PPP2R3A: variants seen among roughly 807,000 people sequenced by gnomAD.
The protein encoded by PPP2R3A is serine/threonine-protein phosphatase 2A regulatory subunit B'' subunit alpha.
A neutral mutation model predicts 106.9 loss-of-function variants in PPP2R3A; 80 were observed. That is an observed-to-expected ratio of 0.75 (90% confidence interval 0.62 to 0.90). The LOEUF is 0.90. PPP2R3A is among the 40% of genes least tolerant of loss of function. The pLI is 0.00. For missense variants in PPP2R3A, 1,386 were observed against 1,350.4 expected (o/e 1.03, Z -0.41); for synonymous variants, 483 against 468.3 (o/e 1.03, Z -0.41).
At chr3:136,064,077 C>T (rs909171478) in intron 5 of PPP2R3A, among the ~76,000 whole-genome samples, 1 of 151,838 alleles carries the variant, frequency 6.6e-6, no homozygotes, top group Non-Finnish European at 1.5e-5. Flanking sequence ...CCATGGAATA[C>T]TATGCAGCCA....
At chr3:136,078,751 C>T (rs1576485552) in intron 7 of PPP2R3A, among the ~76,000 whole-genome samples, 1 of 152,100 alleles carries the variant, frequency 6.6e-6, no homozygotes, top group Non-Finnish European at 1.5e-5. Flanking sequence ...ACAGAGGCGG[C>T]TTCACAATAG....
Position 136,002,049 on chromosome 3 carries a change from A to C in PPP2R3A, c.551A>C (p.Glu184Ala). ...FGLLRSSSVE[E>A]KPLSHRNSLD... ...TTACTGCGGAGTTCCTCAGTTGAGG[A>C]AAAACCTTTGTCTCATAGAAACTCA... Residue 184 changes from glutamate to alanine, a missense_variant, in exon 2 of 14, where the codon GAA (glutamate) becomes GCA (alanine). Glu to Ala is a moderately radical substitution (Grantham distance 107). Transcript: ENST00000264977. 6.2e-7 allele frequency: 1 copy of C among 1,613,916 alleles called. No individual in the cohort carries two copies.
At chr3:136,068,392 C>T (rs1337659134) in intron 5 of PPP2R3A, among the ~76,000 whole-genome samples, 1 of 152,140 alleles carries the variant, frequency 6.6e-6, no homozygotes, top group Non-Finnish European at 1.5e-5. Flanking sequence ...GTGGCACACG[C>T]CTGTAATCCC....
At chr3:136,009,638 C>T (rs1199673255) in intron 2 of PPP2R3A, among the ~76,000 whole-genome samples, 1 of 152,112 alleles carries the variant, frequency 6.6e-6, no homozygotes, top group African/African-American at 2.4e-5. Flanking sequence ...GATAGAAATG[C>T]ATATTCTCCT....
chr3:136,021,834 C>T (rs1427941349), intron 2 of PPP2R3A, among the ~76,000 whole-genome samples: 1 of 151,766 alleles, frequency 6.6e-6, no homozygotes, highest in Admixed American at 6.6e-5. Context: ...ATTTCCTAAA[C>T]AATAGAGTAT....
At chr3:136,060,125 GAACTTAA>G (rs1183310123) in intron 5 of PPP2R3A, among the ~76,000 whole-genome samples, 4 of 152,056 alleles carry the variant, frequency 2.6e-5, no homozygotes, top group South Asian at 2.1e-4. Flanking sequence ...ATGAGCACCC[GAACTTAA>G]AACTTAAAAA....
rs544364250 is a variant in PPP2R3A, at chr3:136,066,411, C to T, written c.2470-4067C>T. Among the ~76,000 whole-genome samples the T allele has an allele frequency of 5.3e-5, 8 of 152,142 alleles. No individual in the cohort carries two copies. The South Asian group carries it at 1.7e-3, about 32-fold the overall frequency. On this transcript the variant is annotated intron_variant, in intron 5 of 13. Transcript: ENST00000264977. Reference sequence around the variant, plus strand: ...AACATTACCAAACAATATACCATGACCAAGTGGGATTTATTCCAGGAAGGC... The same window carrying T: ...AACATTACCAAACAATATACCATGATCAAGTGGGATTTATTCCAGGAAGGC...
intron 2 of PPP2R3A, among the ~76,000 whole-genome samples, chr3:136,023,997 T>A (rs1934560735): frequency 1.3e-5 from 2 of 152,132 alleles, no homozygotes; most frequent in African/African-American, 4.8e-5. Flanking sequence ...CTCAAATTAT[T>A]TGGGTAAATA....
At chr3:136,067,213 T>G (rs944844469) in intron 5 of PPP2R3A, among the ~76,000 whole-genome samples, 6 of 152,040 alleles carry the variant, frequency 3.9e-5, no homozygotes, top group Non-Finnish European at 8.8e-5. Context: ...AATATTAAAG[T>G]AGGAGGAAAT....
chr3:136,071,972 G>A (rs770652521), intron 6 of PPP2R3A, among the ~76,000 whole-genome samples: 1 of 151,966 alleles, frequency 6.6e-6, no homozygotes, highest in Non-Finnish European at 1.5e-5. Context: ...GGCCCTCCCT[G>A]ATCACTCTCT....
intron 6 of PPP2R3A, among the ~76,000 whole-genome samples, chr3:136,072,047 TTTC>T (rs1308855116): frequency 6.6e-6 from 1 of 152,170 alleles, no homozygotes; most frequent in African/African-American, 2.4e-5. Context: ...CTGCTTCATT[TTTC>T]TTCTTAGCTC....
chr3:136,007,398 G>A (rs1336807633), intron 2 of PPP2R3A, among the ~76,000 whole-genome samples: 3 of 152,216 alleles, frequency 2.0e-5, no homozygotes, highest in African/African-American at 7.2e-5. Flanking sequence ...ATGGGTACAA[G>A]AGGACCTGAC....
Position 136,049,321 on chromosome 3 carries a change from G to A in PPP2R3A, c.2429G>A (p.Cys810Tyr). Reference protein sequence around the residue: ...KFICLLAKPNCSSLEQEDFIP... With the variant: ...KFICLLAKPNYSSLEQEDFIP... ...ATCTGTCTTCTAGCAAAGCCCAACT[G>A]CAGCTCTCTAGAACAGGAGGATTTC... The change falls in exon 5 of 14, where the codon TGC becomes TAC. Residue 810 changes from cysteine (C) to tyrosine (Y), a missense_variant. Transcript: ENST00000264977. 1 of 1,613,684 alleles carries A rather than the reference G, an allele frequency of 6.2e-7. No homozygotes were observed.
At chr3:136,141,300 T>C (rs1938863971) in intron 13 of PPP2R3A, among the ~76,000 whole-genome samples, 1 of 152,154 alleles carries the variant, frequency 6.6e-6, no homozygotes, top group Non-Finnish European at 1.5e-5. Context: ...AATATGTGAC[T>C]GTGTGCAGTG....
intron 1 of PPP2R3A, among the ~76,000 whole-genome samples, chr3:135,970,909 C>G (rs567398735): frequency 6.6e-6 from 1 of 152,224 alleles, no homozygotes; most frequent in South Asian, 2.1e-4. Context: ...GGGGCTGACT[C>G]AGATGTTGGT....
chr3:136,023,252 TA>T, intron 2 of PPP2R3A: 1 of 1,057,908 alleles, frequency 9.5e-7, no homozygotes, highest in South Asian at 1.5e-5. Context: ...GTTTTGAAAA[TA>T]TTTTTATTAC....
chr3:136,002,076 T>C lies in PPP2R3A; in HGVS notation c.578T>C (p.Leu193Pro), dbSNP rs991322931. Residue 193 changes from leucine (L) to proline (P), a missense_variant, in exon 2 of 14, where the codon CTG (leucine) becomes CCG (proline). Transcript: ENST00000264977. ...AAACCTTTGTCTCATAGAAACTCAC[T>C]GGATACGAACCTGACTTCCATGTTT... is the stretch of plus-strand genomic sequence containing the variant. Reference protein sequence around the residue: ...EEKPLSHRNSLDTNLTSMFLQ... With the variant: ...EEKPLSHRNSPDTNLTSMFLQ... 4 of 1,613,978 alleles carry C rather than the reference T, an allele frequency of 2.5e-6. No individual in the cohort carries two copies. The highest frequency in any genetic ancestry group is 1.7e-5 in the Admixed American group (1 of 59,980).
At chr3:136,089,315 C>T (rs939232246) in intron 9 of PPP2R3A, among the ~76,000 whole-genome samples, 1 of 151,976 alleles carries the variant, frequency 6.6e-6, no homozygotes, top group Non-Finnish European at 1.5e-5. Context: ...ATCAATTATC[C>T]CAGCACTGTT....
chr3:135,998,192 A>G (rs762304448), intron 1 of PPP2R3A, among the ~76,000 whole-genome samples: 1 of 152,100 alleles, frequency 6.6e-6, no homozygotes, highest in Non-Finnish European at 1.5e-5. Context: ...CTGCCTTCAC[A>G]TATGTGTTTC....
Sources: allele counts gnomAD v4.1 joint callset (sites outside exome capture counted in the v4.1 genomes callset), GRCh38; gene constraint gnomAD v4.1.1; transcripts MANE v1.5; gene names NCBI Gene and HGNC (gene_info 2026-07-23, HGNC 2026-07-21).